KLHL23: variants seen among roughly 807,000 people sequenced by gnomAD.
KLHL23 encodes the protein kelch like family member 23.
KLHL23 carries 33 observed loss-of-function variants against 48.9 expected under a neutral mutation model. The ratio of observed to expected loss-of-function variants is 0.67; its 90% CI spans 0.51 to 0.90. The LOEUF is 0.90. Among genes scored for constraint, KLHL23 ranks in the 40% least tolerant of loss-of-function variants. The probability of loss-of-function intolerance (pLI) is 0.00; values close to 1 mark genes in which losing one functional copy is unlikely to be tolerated. For missense variants in KLHL23, 608 were observed against 669.6 expected (o/e 0.91, Z 1.02); for synonymous variants, 234 against 231.6 (o/e 1.01, Z -0.09).
rs1688673217 is a variant in KLHL23 at position 169,741,406 on chromosome 2, G to C, written c.1235G>C (p.Cys412Ser). Residue 412 changes from cysteine (C) to serine (S), a missense_variant, in exon 3 of 4, where the codon TGT (cysteine) becomes TCT (serine). Physicochemically the swap from Cys to Ser is moderately radical, Grantham distance 112 (BLOSUM62 -1). This residue lies in a region of KLHL23 where 10 missense variants were observed against 26.6 expected (regional missense o/e 0.38). Transcript: ENST00000392647. ...MIKGVGNATACVLHDVIYVIG... is the reference protein window; with the variant it reads ...MIKGVGNATASVLHDVIYVIG... The stretch of plus-strand genomic sequence containing the variant: ...GTAGGTGTGGGAAATGCTACTGCCT[G>C]TGTCTTACATGATGTTATCTACGTC... 1 of 1,612,670 alleles carries C rather than the reference G, an allele frequency of 6.2e-7. No homozygotes were observed. Among genetic ancestry groups the C allele is most frequent in the Non-Finnish European group, 8.5e-7 (1 of 1,179,136 alleles).
intron 3 of KLHL23, among the ~76,000 whole-genome samples, chr2:169,744,660 G>A (rs898316458): frequency 6.6e-6 from 1 of 151,798 alleles, no homozygotes; most frequent in Non-Finnish European, 1.5e-5. Context: ...CCAGGTTCAA[G>A]GTATTCTCCT....
In KLHL23 at chr2:169,735,130, C is replaced by T; in HGVS notation, c.116C>T (p.Thr39Ile). 1.2e-6 allele frequency: 2 copies of T among 1,613,076 alleles called. No individual in the cohort carries two copies. The highest frequency in any genetic ancestry group is 1.7e-6 in the Non-Finnish European group (2 of 1,179,816). ...TTGGATGGATTATTTACTGATATTA[C>T]TCTTCAGTGTCCTTCAGGCATAATT... The part of the protein sequence containing the change: ...FYLDGLFTDI[T>I]LQCPSGIIFH... The change falls in exon 2 of 4, where the codon ACT becomes ATT. Residue 39 changes from threonine to isoleucine, a missense_variant. Coordinates refer to ENST00000392647, the MANE Select transcript of KLHL23 (RefSeq NM_144711.6). This position sits in a 1 kb window ranked among gnomAD's most constrained non-coding sequence, Gnocchi z 4.5.
At chr2:169,748,058 AGG>A (rs1688838053) in intron 3 of KLHL23, among the ~76,000 whole-genome samples, 1 of 152,192 alleles carries the variant, frequency 6.6e-6, no homozygotes, top group Non-Finnish European at 1.5e-5. Flanking sequence ...CAGGAATTTG[AGG>A]CTATATTGAG....
rs1688904797 is a variant in KLHL23, at chr2:169,749,938, C to CATATATATGTAT, written c.*207_*208insTATATATGTATA. 1.5e-5 allele frequency: 3 copies of CATATATATGTAT among 201,006 alleles called. No homozygotes were observed. Among genetic ancestry groups the CATATATATGTAT allele is most frequent in the Admixed American group, 6.5e-5 (1 of 15,332 alleles). 12.5% of individuals were successfully genotyped at this position (201,006 alleles called of 1,614,324 possible). ...TTATATATATATATATATACACACA[C>CATATATATGTAT]ACATATATGTGTTCATATATATGTA... is the stretch of plus-strand genomic sequence containing the variant. On this transcript the variant is annotated 3_prime_UTR_variant, in exon 4 of 4. Coordinates refer to ENST00000392647, the MANE Select transcript of KLHL23 (RefSeq NM_144711.6).
chr2:169,738,546 T>C (rs930287243), intron 2 of KLHL23, among the ~76,000 whole-genome samples: 1 of 152,208 alleles, frequency 6.6e-6, no homozygotes, highest in African/African-American at 2.4e-5. Context: ...TTAAAATTTA[T>C]TACCTTTTTT....
chr2:169,746,039 A>G (rs893119327), intron 3 of KLHL23, among the ~76,000 whole-genome samples: 6 of 152,274 alleles, frequency 3.9e-5, no homozygotes, highest in Admixed American at 1.3e-4. Flanking sequence ...CAATACAGCT[A>G]TGGGCAGAAT....
At position 169,736,150 on chromosome 2, in the gene KLHL23, A is replaced by C. The variant is rs777380119; in HGVS notation, c.1136A>C (p.Lys379Thr). ...GTCTATGCTTTAGGTGGTTACAGAAAAGGGGCTCCAGCAGAAGAGGCTGAG... is the reference window on the plus strand; with the variant it reads ...GTCTATGCTTTAGGTGGTTACAGAACAGGGGCTCCAGCAGAAGAGGCTGAG... Reference protein sequence around the residue: ...GCVYALGGYRKGAPAEEAEFY... With the variant: ...GCVYALGGYRTGAPAEEAEFY... Residue 379 changes from lysine (K) to threonine (T), a missense_variant, in exon 2 of 4, where the codon AAA becomes ACA. Lys to Thr is a moderately conservative substitution (Grantham distance 78). This residue lies in a region of KLHL23 where 419 missense variants were observed against 473.1 expected (regional missense o/e 0.89). Transcript: ENST00000392647. The C allele has an allele frequency of 6.2e-7, 1 of 1,614,150 alleles. No homozygotes were observed. The highest frequency in any genetic ancestry group is 8.5e-7 in the Non-Finnish European group (1 of 1,180,034).
At chr2:169,739,078 C>G (rs1488663880) in intron 2 of KLHL23, among the ~76,000 whole-genome samples, 1 of 141,954 alleles carries the variant, frequency 7.0e-6, no homozygotes, top group Admixed American at 7.1e-5. Flanking sequence ...TTCCCCTCCT[C>G]GACTTCCCCC....
In KLHL23 at chr2:169,749,614, A is replaced by G; in HGVS notation, c.1559A>G (p.Lys520Arg). The G allele has an allele frequency of 1.2e-6, 2 of 1,614,078 alleles. No homozygotes were observed. The highest frequency in any genetic ancestry group is 1.7e-6 in the Non-Finnish European group (2 of 1,180,020). Residue 520 changes from lysine to arginine, a missense_variant, in exon 4 of 4, where the codon AAG (lysine) becomes AGG (arginine). Lys to Arg is a conservative substitution (Grantham distance 26). This residue lies in a region of KLHL23 where 179 missense variants were observed against 169.9 expected (regional missense o/e 1.05). Transcript: ENST00000392647. ...GTCACTGGAGGATACTCCTACTCAAAGGGAACGTATCTTCAGAGCATTGAG... is the reference window on the plus strand; with the variant it reads ...GTCACTGGAGGATACTCCTACTCAAGGGGAACGTATCTTCAGAGCATTGAG... ...IYVTGGYSYS[K>R]GTYLQSIEKY... is the part of the protein sequence containing the mutation.
In KLHL23 at chr2:169,751,243, C is replaced by A. The variant is rs1225123400; in HGVS notation, c.*1511C>A. 1 of 152,132 alleles carries A rather than the reference C, an allele frequency of 6.6e-6. No homozygotes were observed. The highest frequency in any genetic ancestry group is 1.5e-5 in the Non-Finnish European group (1 of 68,032). 9.4% of individuals were successfully genotyped at this position (152,132 alleles called of 1,614,324 possible). A position where few individuals can be genotyped will look rare whatever the true frequency, so the allele number is the denominator to read the frequency against. ...GGATGTGTTGCTTAACTCCTTTACA[C>A]CATTAGTTATCTGTGAGACCATCTA... is the stretch of plus-strand genomic sequence containing the variant. On this transcript the variant is annotated 3_prime_UTR_variant, in exon 4 of 4. Transcript: ENST00000392647.
Position 169,735,487 on chromosome 2 carries a change from C to A in KLHL23, c.473C>A (p.Ser158Tyr). ...FHVCPELEKE[S>Y]RRILCSKFKE... ...GTGTGTCCAGAACTAGAGAAGGAAT[C>A]TCGAAGAATTCTATGTTCAAAGTTT... Residue 158 changes from serine to tyrosine, a missense_variant, in exon 2 of 4, where the codon TCT (serine) becomes TAT (tyrosine). Coordinates refer to ENST00000392647, the MANE Select transcript of KLHL23 (RefSeq NM_144711.6). The surrounding 1 kb of genome is among the most constrained non-coding windows in gnomAD (Gnocchi z 4.5). 6.2e-7 allele frequency: 1 copy of A among 1,613,994 alleles called. No individual in the cohort carries two copies.
intron 2 of KLHL23, among the ~76,000 whole-genome samples, chr2:169,738,294 G>GT: frequency 1.0e-5 from 1 of 96,686 alleles, no homozygotes; most frequent in African/African-American, 5.1e-5. Context: ...TAGAAATGGC[G>GT]GGGGGTCTCA....
chr2:169,748,835 C>T (rs989201083), intron 3 of KLHL23, among the ~76,000 whole-genome samples: 4 of 151,350 alleles, frequency 2.6e-5, no homozygotes, highest in East Asian at 1.9e-4. Context: ...AGCAGCCCTC[C>T]GCCTGGGGGC....
Position 169,750,105 on chromosome 2 carries a change from T to TGTGTATATATACGTATGTATGTATAC in KLHL23, c.*373_*374insGTGTATATATACGTATGTATGTATAC, listed in dbSNP as rs1558952694. The TGTGTATATATACGTATGTATGTATAC allele has an allele frequency of 1.3e-5, 1 of 75,062 alleles. No individual in the cohort carries two copies. Among genetic ancestry groups the TGTGTATATATACGTATGTATGTATAC allele is most frequent in the African/African-American group, 8.5e-5 (1 of 11,814 alleles). 4.6% of individuals were successfully genotyped at this position (75,062 alleles called of 1,614,324 possible). On this transcript the variant is annotated 3_prime_UTR_variant, in exon 4 of 4. Coordinates refer to ENST00000392647, the MANE Select transcript of KLHL23 (RefSeq NM_144711.6). ...GTATGTATACATATATGTGTATACATATATATGTGTGTATATATATACACA... is the reference window on the plus strand; with the variant it reads ...GTATGTATACATATATGTGTATACATGTGTATATATACGTATGTATGTATACATATATGTGTGTATATATATACACA...
intron 2 of KLHL23, among the ~76,000 whole-genome samples, chr2:169,740,282 TTTTA>T (rs755634315): frequency 1.1e-4 from 16 of 151,918 alleles, no homozygotes; most frequent in East Asian, 7.8e-4. Context: ...GTGGCTACTT[TTTTA>T]TTTTTTGTAG....
At chr2:169,748,918 G>A (rs1294455516) in intron 3 of KLHL23, among the ~76,000 whole-genome samples, 1 of 152,050 alleles carries the variant, frequency 6.6e-6, no homozygotes, top group African/African-American at 2.4e-5. Context: ...AGCTTCTTGA[G>A]TTCATAACTG....
rs1294234101 is a variant in KLHL23 at position 169,751,722 on chromosome 2, A to G, written c.*1990A>G. Reference sequence around the variant, plus strand: ...ATGAGCACAATACAAAATAGTATGCATACTATGATTGTGACTTTGTAAAAT... The same window carrying G: ...ATGAGCACAATACAAAATAGTATGCGTACTATGATTGTGACTTTGTAAAAT... On this transcript the variant is annotated 3_prime_UTR_variant, in exon 4 of 4. Coordinates refer to ENST00000392647, the MANE Select transcript of KLHL23 (RefSeq NM_144711.6). The G allele has an allele frequency of 1.3e-5, 2 of 152,382 alleles. No homozygotes were observed. The highest frequency in any genetic ancestry group is 1.9e-4 in the East Asian group (1 of 5,192). 9.4% of individuals were successfully genotyped at this position (152,382 alleles called of 1,614,324 possible). A position where few individuals can be genotyped will look rare whatever the true frequency, so the allele number is the denominator to read the frequency against.
chr2:169,749,913 T>TTATATATATATA lies in KLHL23; in HGVS notation c.*188_*199dup, dbSNP rs72113382. The TTATATATATATA allele has an allele frequency of 3.8e-4, 83 of 218,874 alleles. 2 individuals carry two copies. Among genetic ancestry groups the TTATATATATATA allele is most frequent in the African/African-American group, 1.8e-3 (42 of 22,832 alleles). The allele number at this position is 218,874 out of a possible 1,614,324, so 13.6% of individuals were successfully genotyped here. ...TGGTGATTCATGGTCAAGAAAAATC[T>TTATATATATATA]TATATATATATATATATACACACAC... On this transcript the variant is annotated 3_prime_UTR_variant, in exon 4 of 4. Coordinates refer to ENST00000392647, the MANE Select transcript of KLHL23 (RefSeq NM_144711.6).
intron 3 of KLHL23, among the ~76,000 whole-genome samples, chr2:169,741,870 A>C (rs1688684316): frequency 6.6e-6 from 1 of 152,232 alleles, no homozygotes; most frequent in Non-Finnish European, 1.5e-5. Flanking sequence ...AATGTTCATA[A>C]GTAGTTGAAA....
Sources: gnomAD v4.1 joint callset for allele counts (sites outside exome capture counted in the v4.1 genomes callset) on GRCh38, gnomAD v4.1.1 for gene constraint, gnomAD v4.1.1 regional missense constraint, Gnocchi (gnomAD v3.1) non-coding constraint, MANE v1.5 for transcripts, NCBI Gene and HGNC (gene_info 2026-07-23, HGNC 2026-07-21) for gene names.